The following CSDE1 variants were observed in gnomAD, a reference collection of about 807,000 sequenced individuals.
CSDE1 encodes the protein cold shock domain containing E1, also known as cold shock domain-containing protein E1.
In CSDE1, 17 loss-of-function variants were observed where a neutral mutation model predicts 89.3. The ratio of observed to expected loss-of-function variants is 0.19; its 90% CI spans 0.13 to 0.29. CSDE1 has a LOEUF of 0.29. Among genes scored for constraint, CSDE1 ranks in the 10% least tolerant of loss-of-function variants. The pLI, the probability that CSDE1 is intolerant of heterozygous loss-of-function variation, is 1.00. For missense variants in CSDE1, 672 were observed against 984.2 expected, an observed-to-expected ratio of 0.68 and a Z score of 4.24; for synonymous variants, 322 against 332.8, an observed-to-expected ratio of 0.97 and a Z score of 0.35.
chr1:114,724,681 T>C (rs1419685321), intron 15 of CSDE1, among the ~76,000 whole-genome samples: 1 of 152,182 alleles, frequency 6.6e-6, no homozygotes, highest in Non-Finnish European at 1.5e-5. Flanking sequence ...TCTAGGGAAA[T>C]GCCTCTCTTC....
At chr1:114,751,946 C>CACATACCACCACCAGA (rs1553249939) in intron 1 of CSDE1, among the ~76,000 whole-genome samples, 4 of 152,190 alleles carry the variant, frequency 2.6e-5, no homozygotes, top group African/African-American at 9.7e-5. Flanking sequence ...CATTTTCTGT[C>CACATACCACCACCAGA]ACATACCACC....
intron 15 of CSDE1, chr1:114,724,306 T>C (rs1659685390): frequency 4.4e-6 from 1 of 229,036 alleles, no homozygotes; most frequent in South Asian, 6.1e-5. Flanking sequence ...GGTGACCATA[T>C]GTCATTTTTT....
intron 2 of CSDE1, among the ~76,000 whole-genome samples, chr1:114,742,135 A>AT (rs1180830661): frequency 6.6e-6 from 1 of 152,230 alleles, no homozygotes; most frequent in African/African-American, 2.4e-5. Flanking sequence ...CAGATGGTCT[A>AT]TGAGTATCAT....
intron 1 of CSDE1, among the ~76,000 whole-genome samples, chr1:114,753,189 T>C (rs1427885210): frequency 6.6e-6 from 1 of 152,246 alleles, no homozygotes; most frequent in Non-Finnish European, 1.5e-5. Flanking sequence ...ACAAGTTATC[T>C]TGAAACACTT....
At chr1:114,752,565 A>G (rs1661364770) in intron 1 of CSDE1, among the ~76,000 whole-genome samples, 1 of 152,014 alleles carries the variant, frequency 6.6e-6, no homozygotes, top group African/African-American at 2.4e-5. Context: ...CTTACTCTCT[A>G]CTGTGTTCCA....
intron 1 of CSDE1, among the ~76,000 whole-genome samples, chr1:114,752,883 TGA>T (rs1343166960): frequency 3.3e-5 from 5 of 152,248 alleles, no homozygotes; most frequent in African/African-American, 1.2e-4. Context: ...TTCAAATTTC[TGA>T]GAGGTAAACT....
rs548116463 is a variant in CSDE1, at chr1:114,732,389, T to C, written c.1050+215A>G. 6.6e-5 allele frequency among the ~76,000 whole-genome samples: 10 copies of C among 152,298 alleles called. No homozygotes were observed. The South Asian group carries it at 2.1e-3, about 32-fold the overall frequency. On this transcript the variant is annotated intron_variant, in intron 10 of 19. Coordinates refer to ENST00000358528, the MANE Select transcript of CSDE1 (RefSeq NM_001007553.3). ...AAATATCTTAGTAATCCTGTCCAGA[T>C]TTCCATTCAAAAAATTTTTTCACAT...
chr1:114,734,218 AATAAT>A, intron 7 of CSDE1, 101 bp from the exon 8 acceptor site: 2 of 1,342,858 alleles, frequency 1.5e-6, no homozygotes, highest in Non-Finnish European at 2.0e-6. Context: ...CTGTAGTCAC[AATAAT>A]ATAATTTGGT....
intron 14 of CSDE1, among the ~76,000 whole-genome samples, chr1:114,725,820 G>T (rs1471788880): frequency 6.6e-6 from 1 of 152,098 alleles, no homozygotes; most frequent in African/African-American, 2.4e-5. Context: ...AATTTTTGTG[G>T]AGATGGAGTT....
chr1:114,751,555 C>T (rs187641349), intron 1 of CSDE1, among the ~76,000 whole-genome samples: 1 of 152,276 alleles, frequency 6.6e-6, no homozygotes, highest in African/African-American at 2.4e-5. Flanking sequence ...ATTTTCTATT[C>T]TCTAACATCC....
At chr1:114,722,791 T>C (rs1170609005) in intron 16 of CSDE1, among the ~76,000 whole-genome samples, 1 of 152,148 alleles carries the variant, frequency 6.6e-6, no homozygotes, top group African/African-American at 2.4e-5. Context: ...AGGGGTGTGA[T>C]GTCATGGCAT....
intron 15 of CSDE1, 95 bp from the exon 16 acceptor site, chr1:114,724,097 G>C (rs1328247012): frequency 7.2e-7 from 1 of 1,380,898 alleles, no homozygotes; most frequent in Non-Finnish European, 9.8e-7. Context: ...AATGTTAACA[G>C]GGTAGGTTGG....
intron 6 of CSDE1, among the ~76,000 whole-genome samples, chr1:114,736,327 T>C (rs544997199): frequency 6.6e-6 from 1 of 152,300 alleles, no homozygotes; most frequent in South Asian, 2.1e-4. Flanking sequence ...TTCCTTGTTT[T>C]AAACAACGCA....
chr1:114,741,280 T>C (rs1271893776), intron 2 of CSDE1, among the ~76,000 whole-genome samples: 2 of 152,178 alleles, frequency 1.3e-5, no homozygotes, highest in South Asian at 2.1e-4. Context: ...TCAGTAGGTA[T>C]GGGGATTTGA....
At chr1:114,733,895 G>A (rs1179773694) in intron 8 of CSDE1, 38 bp from the exon 9 acceptor site, 2 of 1,609,494 alleles carry the variant, frequency 1.2e-6, no homozygotes, top group Non-Finnish European at 1.7e-6. Flanking sequence ...GGGGGACAGA[G>A]GAAGGAAGAA....
At chr1:114,737,088 G>A (rs979797522) in intron 5 of CSDE1, among the ~76,000 whole-genome samples, 8 of 152,014 alleles carry the variant, frequency 5.3e-5, no homozygotes, top group African/African-American at 1.5e-4. Context: ...GCTTACACAC[G>A]TGGAAGCATT....
At position 114,732,742 on chromosome 1, in the gene CSDE1, C is replaced by T. The variant is rs61751186; in HGVS notation, c.912G>A (p.Thr304=). Residue 304 remains threonine, a synonymous_variant, in exon 10 of 20, where the codon ACG becomes ACA. Coordinates refer to ENST00000358528, the MANE Select transcript of CSDE1 (RefSeq NM_001007553.3). ...CTTCCAGCAGGGTCACCTTGGATTT[C>T]GTATCTTTGTCTCCAAAGGGAAGTT... ...PKELPFGDKD[T]KSKVTLLEGD... is the part of the protein sequence containing the mutation. The T allele has an allele frequency of 1.3e-4, 208 of 1,614,106 alleles. No individual in the cohort carries two copies. The highest frequency in any genetic ancestry group is 1.7e-4 in the Non-Finnish European group (200 of 1,180,004).
At chr1:114,719,510 C>G (rs1460034029) in intron 18 of CSDE1, 69 bp downstream of exon 18, 4 of 1,460,202 alleles carry the variant, frequency 2.7e-6, no homozygotes, top group Non-Finnish European at 3.7e-6. Flanking sequence ...AGTGATGTGA[C>G]AAAACAGAGA....
chr1:114,733,010 C>T (rs1393838076), intron 9 of CSDE1, among the ~76,000 whole-genome samples, 194 bp from the exon 10 acceptor site: 2 of 152,118 alleles, frequency 1.3e-5, no homozygotes, highest in African/African-American at 4.8e-5. Flanking sequence ...AAAATTACAA[C>T]AATGCAATTA....
Sources: allele counts gnomAD v4.1 joint callset (sites outside exome capture counted in the v4.1 genomes callset), GRCh38; gene constraint gnomAD v4.1.1; transcripts MANE v1.5; gene names NCBI Gene and HGNC (gene_info 2026-07-23, HGNC 2026-07-21).